The following LRP1B variants were observed in gnomAD, a reference collection of about 807,000 sequenced individuals.
LRP1B encodes the protein LDL receptor related protein 1B.
A neutral mutation model predicts 556.6 loss-of-function variants in LRP1B; 217 were observed. The ratio of observed to expected loss-of-function variants is 0.39; its 90% CI spans 0.35 to 0.44. LRP1B has a LOEUF of 0.44. LRP1B is among the 20% of genes least tolerant of loss of function. The pLI is 1.00. For missense variants in LRP1B, 5,053 were observed against 5,620.8 expected, an observed-to-expected ratio of 0.90 and a Z score of 3.23; for synonymous variants, 2,047 against 1,865.8, an observed-to-expected ratio of 1.10 and a Z score of -2.50.
chr2:140,575,421 C>A (rs1230174313), intron 43 of LRP1B, among the ~76,000 whole-genome samples: 1 of 152,120 alleles, frequency 6.6e-6, no homozygotes, highest in Non-Finnish European at 1.5e-5. Context: ...AATGTGTGCT[C>A]ATATCATGGT....
intron 2 of LRP1B, among the ~76,000 whole-genome samples, chr2:141,525,262 A>G (rs1436131045): frequency 6.6e-6 from 1 of 152,078 alleles, no homozygotes; most frequent in African/African-American, 2.4e-5. Flanking sequence ...TGGAGAGAAG[A>G]TAGAGGATTT....
At chr2:141,058,393 C>G (rs1699243503) in intron 9 of LRP1B, among the ~76,000 whole-genome samples, 1 of 151,750 alleles carries the variant, frequency 6.6e-6, no homozygotes, top group East Asian at 1.9e-4. Context: ...CCTGTAGAAA[C>G]AACTGGTTTG....
intron 5 of LRP1B, among the ~76,000 whole-genome samples, chr2:141,231,467 CA>C (rs1007783883): frequency 6.6e-6 from 1 of 151,282 alleles, no homozygotes; most frequent in African/African-American, 2.4e-5. Flanking sequence ...CCAGAGGTAG[CA>C]AAAAAAAGAC....
chr2:140,944,617 T>C (rs965823079), intron 20 of LRP1B, among the ~76,000 whole-genome samples: 1 of 152,046 alleles, frequency 6.6e-6, no homozygotes, highest in Non-Finnish European at 1.5e-5. Context: ...CATACTCAAA[T>C]CAATAAATGT....
At chr2:140,899,558 T>G (rs1423060726) in intron 23 of LRP1B, among the ~76,000 whole-genome samples, 1 of 152,224 alleles carries the variant, frequency 6.6e-6, no homozygotes, top group Non-Finnish European at 1.5e-5. Flanking sequence ...TTGTATGAAA[T>G]TCAAGTAATT....
At chr2:141,994,296 A>G (rs1702427468) in intron 1 of LRP1B, among the ~76,000 whole-genome samples, 2 of 152,316 alleles carry the variant, frequency 1.3e-5, no homozygotes, top group South Asian at 2.1e-4. Context: ...CCTTAGGTGC[A>G]TTCTGAATGA....
At chr2:141,360,429 G>A (rs1285242484) in intron 3 of LRP1B, among the ~76,000 whole-genome samples, 2 of 152,160 alleles carry the variant, frequency 1.3e-5, no homozygotes, top group African/African-American at 4.8e-5. Context: ...GTATAAACAT[G>A]TACCTATGAA....
intron 2 of LRP1B, among the ~76,000 whole-genome samples, chr2:141,772,722 T>C (rs1035232916): frequency 6.6e-6 from 1 of 152,188 alleles, no homozygotes; most frequent in African/African-American, 2.4e-5. Flanking sequence ...GCCCTGGGGT[T>C]CAGAGCAGAG....
intron 63 of LRP1B, among the ~76,000 whole-genome samples, chr2:140,447,558 T>G (rs1469907903): frequency 6.6e-5 from 10 of 152,172 alleles, no homozygotes. Context: ...CTGTTGTGGA[T>G]GGCTTCATCT....
At chr2:142,018,084 T>G (rs1355612947) in intron 1 of LRP1B, among the ~76,000 whole-genome samples, 1 of 152,136 alleles carries the variant, frequency 6.6e-6, no homozygotes, top group Non-Finnish European at 1.5e-5. Context: ...ATAGGTAAGA[T>G]TTTCTCTGTG....
rs547662884 is a variant in LRP1B at position 141,149,028 on chromosome 2, G to T, written c.1013+39393C>A. Among the ~76,000 whole-genome samples the T allele has an allele frequency of 3.5e-4, 53 of 152,232 alleles. 1 individual carries two copies. In the South Asian group the frequency reaches 5.8e-3, roughly 17 times the overall value. On this transcript the variant is annotated intron_variant, in intron 7 of 90. Coordinates refer to ENST00000389484, the MANE Select transcript of LRP1B (RefSeq NM_018557.3). ...CACTTAACCCTGGGAAGCAGAGGTTGCAGTGAGCCGAGATCTCTGTCCCCC... is the reference window on the plus strand; with the variant it reads ...CACTTAACCCTGGGAAGCAGAGGTTTCAGTGAGCCGAGATCTCTGTCCCCC...
chr2:141,097,317 T>C (rs1303286495), intron 7 of LRP1B, among the ~76,000 whole-genome samples: 1 of 152,168 alleles, frequency 6.6e-6, no homozygotes, highest in Non-Finnish European at 1.5e-5. Flanking sequence ...AATAATAATT[T>C]TCAAATGCTG....
intron 7 of LRP1B, among the ~76,000 whole-genome samples, chr2:141,115,659 T>G (rs67265380): frequency 0.49 from 46,512 of 95,710 alleles, 7,924 homozygotes; most frequent in East Asian, 0.77. Context: ...GTGTGTGTGT[T>G]TTTTAGTAGA....
chr2:140,237,974 G>A (rs1680785315), intron 89 of LRP1B, among the ~76,000 whole-genome samples, 178 bp downstream of exon 89: 1 of 150,770 alleles, frequency 6.6e-6, no homozygotes, highest in Non-Finnish European at 1.5e-5. Flanking sequence ...TCAGCTTCAG[G>A]TGAATGCAGT....
At chr2:141,503,452 C>G (rs1683804168) in intron 2 of LRP1B, among the ~76,000 whole-genome samples, 1 of 151,750 alleles carries the variant, frequency 6.6e-6, no homozygotes, top group Non-Finnish European at 1.5e-5. Flanking sequence ...ATATCAATTG[C>G]CAAGTCTAAA....
intron 7 of LRP1B, among the ~76,000 whole-genome samples, chr2:141,079,577 C>T (rs1340040383): frequency 1.3e-5 from 2 of 152,166 alleles, no homozygotes; most frequent in Admixed American, 6.5e-5. Context: ...TCTGAAAAGC[C>T]TTAATCTTTA....
At chr2:141,884,618 CT>C (rs1699054270) in intron 1 of LRP1B, among the ~76,000 whole-genome samples, 1 of 152,284 alleles carries the variant, frequency 6.6e-6, no homozygotes, top group Admixed American at 6.5e-5. Context: ...TCGACTTTAT[CT>C]CAGAATAATC....
At position 140,373,077 on chromosome 2, in the gene LRP1B, G is replaced by A. The variant is rs2105171488; in HGVS notation, c.10699C>T (p.Pro3567Ser). ...TGGCCATCACATTTCCATTTTGCTG[G>A]TATACACTGACCATTGGAACACCGG... is the stretch of plus-strand genomic sequence containing the variant. The part of the protein sequence containing the change: ...QFRCSNGQCI[P>S]AKWKCDGHED... Residue 3567 changes from proline (P) to serine (S), a missense_variant, in exon 69 of 91, where the codon CCA (proline) becomes TCA (serine). Physicochemically the swap from Pro to Ser is moderately conservative, Grantham distance 74. Coordinates refer to ENST00000389484, the MANE Select transcript of LRP1B (RefSeq NM_018557.3). 1.9e-6 allele frequency: 3 copies of A among 1,613,196 alleles called. No individual in the cohort carries two copies. Among genetic ancestry groups the A allele is most frequent in the African/African-American group, 1.3e-5 (1 of 74,946 alleles).
intron 7 of LRP1B, among the ~76,000 whole-genome samples, chr2:141,179,442 A>G (rs78168146): frequency 0.056 from 8,522 of 152,120 alleles, 320 homozygotes; most frequent in South Asian, 0.12. Flanking sequence ...TACCATGGCT[A>G]TATTCAATCA....
Sources: gnomAD v4.1 joint callset for allele counts (sites outside exome capture counted in the v4.1 genomes callset) on GRCh38, gnomAD v4.1.1 for gene constraint, MANE v1.5 for transcripts, NCBI Gene and HGNC (gene_info 2026-07-23, HGNC 2026-07-21) for gene names.